PALM2AKAP2: variants seen among roughly 807,000 people sequenced by gnomAD.
PALM2AKAP2 encodes PALM2 and AKAP2 fusion, also known as PALM2-AKAP2 fusion protein.
PALM2AKAP2 carries 37 observed loss-of-function variants against 71.5 expected under a neutral mutation model. The observed-to-expected ratio is 0.52, with a 90% CI of 0.40 to 0.68. The LOEUF is 0.68. Ranked by LOEUF, PALM2AKAP2 falls within the 30% of genes least tolerant of loss-of-function variation. The pLI is 0.00. For synonymous variants in PALM2AKAP2, 468 were observed against 478.8 expected (o/e 0.98, Z 0.29); for missense variants, 1,224 against 1,191.8 (o/e 1.03, Z -0.40).
At chr9:110,046,910 T>C (rs1833609507), upstream of PALM2AKAP2, among the ~76,000 whole-genome samples, 1 of 147,830 alleles carries the variant, frequency 6.8e-6, no homozygotes. Context: ...AATTCTAAAA[T>C]TCTTCCTTAG....
Position 109,948,142 on chromosome 9 carries a change from G to C in PALM2AKAP2, c.496+16114G>C, listed in dbSNP as rs145987450. Among the ~76,000 whole-genome samples the C allele has an allele frequency of 3.3e-4, 50 of 152,282 alleles. 1 individual carries two copies. The East Asian group carries it at 9.2e-3, about 28-fold the overall frequency. ...CTGCATTTTCTAGGGAAAAAGAAAAGTCGTTTATTAGGAGCACAATGCAGA... is the reference window on the plus strand; with the variant it reads ...CTGCATTTTCTAGGGAAAAAGAAAACTCGTTTATTAGGAGCACAATGCAGA... On this transcript the variant is annotated intron_variant, in intron 6 of 9. Transcript: ENST00000302798.
intron 6 of PALM2AKAP2, among the ~76,000 whole-genome samples, chr9:109,963,081 G>A (rs1039818694): frequency 1.3e-5 from 2 of 152,150 alleles, no homozygotes; most frequent in African/African-American, 4.8e-5. Context: ...CAGACATCCT[G>A]GAGGAGTTCG....
intron 1 of PALM2AKAP2, among the ~76,000 whole-genome samples, chr9:109,723,848 C>T (rs1828438743): frequency 6.6e-6 from 1 of 152,082 alleles, no homozygotes; most frequent in African/African-American, 2.4e-5. Flanking sequence ...CCTGGGTGCT[C>T]CATAGTGCCT....
chr9:109,905,650 AC>A (rs1830430398), intron 3 of PALM2AKAP2, among the ~76,000 whole-genome samples: 2 of 152,194 alleles, frequency 1.3e-5, no homozygotes, highest in Admixed American at 1.3e-4. Flanking sequence ...TCAGTCGGCT[AC>A]CCCAAGCCCC....
At chr9:109,869,177 GAAT>G (rs1325753346) in intron 2 of PALM2AKAP2, among the ~76,000 whole-genome samples, 1 of 152,106 alleles carries the variant, frequency 6.6e-6, no homozygotes, top group Non-Finnish European at 1.5e-5. Flanking sequence ...TCCAGTCAGG[GAAT>G]AAACATATGT....
chr9:109,787,051 A>T (rs1286395345), intron 1 of PALM2AKAP2, among the ~76,000 whole-genome samples: 2 of 151,974 alleles, frequency 1.3e-5, no homozygotes, highest in Admixed American at 1.3e-4. Flanking sequence ...GAGACAGCAG[A>T]TGGACATTGA....
chr9:110,024,287 C>T (rs1174358413), intron 7 of PALM2AKAP2, among the ~76,000 whole-genome samples: 1 of 152,194 alleles, frequency 6.6e-6, no homozygotes, highest in Non-Finnish European at 1.5e-5. Flanking sequence ...CCATTCTACC[C>T]CATCCCCAAA....
At chr9:109,860,185 G>A (rs552396895) in intron 1 of PALM2AKAP2, among the ~76,000 whole-genome samples, 1 of 152,348 alleles carries the variant, frequency 6.6e-6, no homozygotes, top group East Asian at 1.9e-4. Context: ...ACAAAGCTGA[G>A]TGAGCACCTC....
At chr9:109,820,680 C>A (rs1827971004) in intron 1 of PALM2AKAP2, among the ~76,000 whole-genome samples, 1 of 152,164 alleles carries the variant, frequency 6.6e-6, no homozygotes, top group Admixed American at 6.6e-5. Context: ...AGATCTTATG[C>A]CCAATACATC....
intron 1 of PALM2AKAP2, among the ~76,000 whole-genome samples, chr9:110,080,512 G>A (rs544051959): frequency 3.0e-4 from 45 of 152,178 alleles, no homozygotes; most frequent in African/African-American, 9.6e-4. Flanking sequence ...TGGGAAACAC[G>A]ATGTAAAATG....
intron 1 of PALM2AKAP2, among the ~76,000 whole-genome samples, chr9:109,653,653 G>T (rs1028370243): frequency 1.3e-5 from 2 of 152,314 alleles, no homozygotes; most frequent in African/African-American, 4.8e-5. Context: ...GTAGATAGGG[G>T]GTGTAGTTGG....
At chr9:110,066,698 C>G (rs1376472620) in intron 1 of PALM2AKAP2, among the ~76,000 whole-genome samples, 1 of 138,910 alleles carries the variant, frequency 7.2e-6, no homozygotes. Context: ...GACATTGTCT[C>G]TTAAAAAAAA....
chr9:109,901,917 G>A (rs548370528), intron 3 of PALM2AKAP2, among the ~76,000 whole-genome samples: 12 of 152,196 alleles, frequency 7.9e-5, no homozygotes, highest in East Asian at 7.7e-4. Context: ...CAGAAGCAGC[G>A]CACGGCTCTG....
intron 7 of PALM2AKAP2, among the ~76,000 whole-genome samples, chr9:110,026,814 C>A (rs1833189160): frequency 6.6e-6 from 1 of 152,174 alleles, no homozygotes; most frequent in South Asian, 2.1e-4. Context: ...GAGGCCAAGG[C>A]AGGTGGATCA....
chr9:109,719,564 G>C (rs1232258976), intron 1 of PALM2AKAP2, among the ~76,000 whole-genome samples: 1 of 152,228 alleles, frequency 6.6e-6, no homozygotes, highest in Non-Finnish European at 1.5e-5. Flanking sequence ...TTAGGATCTT[G>C]CTGTGGAAGA....
intron 1 of PALM2AKAP2, among the ~76,000 whole-genome samples, chr9:109,666,136 G>T (rs1827480642): frequency 6.6e-6 from 1 of 152,142 alleles, no homozygotes. Context: ...CTGACTCCTT[G>T]AGCTTCCCTG....
chr9:110,088,142 G>C lies in PALM2AKAP2; in HGVS notation c.156+39287G>C, dbSNP rs150155517. On this transcript the variant is annotated intron_variant, in intron 1 of 3. Transcript: ENST00000374525. ...AATGAAAGCACACACCACAAGGTGT[G>C]CCTTCACAAGCAGCAAGCAGCTCAA... Among the ~76,000 whole-genome samples the C allele has an allele frequency of 7.2e-5, 11 of 151,988 alleles. No homozygotes were observed. In the East Asian group the frequency reaches 2.1e-3, roughly 29 times the overall value.
At chr9:109,897,279 T>A (rs768255210) in intron 3 of PALM2AKAP2, among the ~76,000 whole-genome samples, 1 of 152,150 alleles carries the variant, frequency 6.6e-6, no homozygotes, top group Non-Finnish European at 1.5e-5. Flanking sequence ...CATGTATAAA[T>A]TGCTTAAAAT....
intron 1 of PALM2AKAP2, among the ~76,000 whole-genome samples, chr9:110,054,999 GC>G (rs1833802116): frequency 6.6e-6 from 1 of 151,976 alleles, no homozygotes; most frequent in African/African-American, 2.4e-5. Context: ...AAGCCTGACT[GC>G]CCCCCGCCCC....
Sources: gnomAD v4.1 joint callset for allele counts (sites outside exome capture counted in the v4.1 genomes callset) on GRCh38, gnomAD v4.1.1 for gene constraint, MANE v1.5 for transcripts, NCBI Gene and HGNC (gene_info 2026-07-23, HGNC 2026-07-21) for gene names.